CEP112: variants seen among roughly 807,000 people sequenced by gnomAD.
CEP112 encodes the protein centrosomal protein of 112 kDa.
CEP112 carries 127 observed loss-of-function variants against 153.0 expected under a neutral mutation model. The ratio of observed to expected loss-of-function variants is 0.83; its 90% CI spans 0.72 to 0.96. CEP112 has a LOEUF of 0.96. Among genes scored for constraint, CEP112 ranks in the 40% least tolerant of loss-of-function variants. The pLI is 0.00. For synonymous variants in CEP112, 358 were observed against 374.4 expected (o/e 0.96, Z 0.51); for missense variants, 1,089 against 1,101.2 (o/e 0.99, Z 0.16).
chr17:65,663,226 G>A (rs771655228), intron 24 of CEP112, among the ~76,000 whole-genome samples: 3 of 152,098 alleles, frequency 2.0e-5, no homozygotes, highest in Non-Finnish European at 2.9e-5. Context: ...TGTACTAAAG[G>A]TGGCTTATGT....
At chr17:65,790,634 C>T (rs746752503) in intron 21 of CEP112, among the ~76,000 whole-genome samples, 1 of 152,142 alleles carries the variant, frequency 6.6e-6, no homozygotes, top group Non-Finnish European at 1.5e-5. Flanking sequence ...TAATTAGGAC[C>T]TATATTTTCT....
chr17:66,191,178 G>T lies in CEP112; in HGVS notation c.-9+819C>A, dbSNP rs564266442. 3.9e-5 allele frequency among the ~76,000 whole-genome samples: 6 copies of T among 152,160 alleles called. No individual in the cohort carries two copies. The highest frequency in any genetic ancestry group is 8.8e-5 in the Non-Finnish European group (6 of 68,032). On this transcript the variant is annotated intron_variant, in intron 1 of 26. Transcript: ENST00000535342. This position sits in a 1 kb window ranked among gnomAD's most constrained non-coding sequence, Gnocchi z 4.2. Reference sequence around the variant, plus strand: ...GGAAGAAGGAAGCTGAGGCTTAAGTGAGGTGAAGTCACTGACCTAGGTTCT... The same window carrying T: ...GGAAGAAGGAAGCTGAGGCTTAAGTTAGGTGAAGTCACTGACCTAGGTTCT...
intron 23 of CEP112, among the ~76,000 whole-genome samples, chr17:65,718,273 T>C (rs1359727291): frequency 2.0e-5 from 3 of 151,644 alleles, no homozygotes; most frequent in Non-Finnish European, 4.4e-5. Flanking sequence ...CTGGGTGTGG[T>C]GGTGGGCGCC....
At chr17:65,989,439 C>A (rs1027686807) in intron 17 of CEP112, among the ~76,000 whole-genome samples, 2 of 151,312 alleles carry the variant, frequency 1.3e-5, no homozygotes, top group Non-Finnish European at 2.9e-5. Context: ...AACCATACAG[C>A]CCAGGAGGGA....
intron 18 of CEP112, among the ~76,000 whole-genome samples, chr17:65,946,989 G>A (rs992718564): frequency 2.6e-5 from 4 of 152,052 alleles, no homozygotes; most frequent in African/African-American, 9.7e-5. Context: ...TTTTGTATTT[G>A]TGCTGGTAGG....
At chr17:66,038,115 G>GAAAAT (rs1568415942) in intron 12 of CEP112, among the ~76,000 whole-genome samples, 3 of 75,048 alleles carry the variant, frequency 4.0e-5, no homozygotes, top group South Asian at 3.1e-4. Flanking sequence ...AAAAAAAAAA[G>GAAAAT]AAAAGAAAAG....
intron 23 of CEP112, among the ~76,000 whole-genome samples, chr17:65,732,254 T>C (rs371311598): frequency 1.0e-3 from 155 of 152,342 alleles, no homozygotes; most frequent in African/African-American, 3.5e-3. Context: ...GGTGACCAGG[T>C]GCATGGTTAA....
chr17:65,872,873 T>C (rs2058708526), intron 20 of CEP112: 1 of 152,240 alleles, frequency 6.6e-6, no homozygotes, highest in Non-Finnish European at 1.5e-5. Flanking sequence ...GCTTTGTCCA[T>C]GTAACTTCTA....
chr17:65,973,545 C>T (rs2062925737), intron 17 of CEP112, among the ~76,000 whole-genome samples: 2 of 152,122 alleles, frequency 1.3e-5, no homozygotes, highest in African/African-American at 4.8e-5. Flanking sequence ...GTGAAAACCA[C>T]AATAAGATAC....
intron 23 of CEP112, among the ~76,000 whole-genome samples, chr17:65,731,095 CT>C (rs1339144754): frequency 3.9e-5 from 6 of 152,150 alleles, no homozygotes; most frequent in Non-Finnish European, 7.3e-5. Context: ...AAATGAACTT[CT>C]GTGAGCTCAG....
intron 21 of CEP112, among the ~76,000 whole-genome samples, chr17:65,837,736 T>C (rs1320404001): frequency 1.3e-5 from 2 of 152,176 alleles, no homozygotes; most frequent in East Asian, 1.9e-4. Flanking sequence ...CATTTTGTTC[T>C]GTACTAAGAA....
At chr17:65,654,056 C>CAAAAAAAAAAAAAAA (rs773433478) in intron 24 of CEP112, among the ~76,000 whole-genome samples, 9 of 26,882 alleles carry the variant, frequency 3.3e-4, no homozygotes, top group African/African-American at 8.0e-4. Flanking sequence ...AAGACTCCAT[C>CAAAAAAAAAAAAAAA]AAAAAAAAAA....
intron 24 of CEP112, among the ~76,000 whole-genome samples, chr17:65,671,407 G>C (rs765955212): frequency 6.6e-6 from 1 of 152,172 alleles, no homozygotes; most frequent in Non-Finnish European, 1.5e-5. Context: ...GGGTCAAAAA[G>C]TCTCTTTGTG....
intron 23 of CEP112, among the ~76,000 whole-genome samples, chr17:65,741,143 A>G (rs1231699202): frequency 6.6e-6 from 1 of 152,152 alleles, no homozygotes; most frequent in Non-Finnish European, 1.5e-5. Context: ...TGACAGAAAT[A>G]CCTTCCTCAT....
chr17:66,089,154 C>G (rs1351448630), intron 8 of CEP112, among the ~76,000 whole-genome samples: 1 of 152,146 alleles, frequency 6.6e-6, no homozygotes, highest in African/African-American at 2.4e-5. Context: ...ATAGGCCAAA[C>G]AGCCTGCCCA....
chr17:65,676,745 T>C (rs1456547293), intron 24 of CEP112, among the ~76,000 whole-genome samples: 4 of 152,246 alleles, frequency 2.6e-5, no homozygotes, highest in African/African-American at 7.2e-5. Flanking sequence ...CATTCTGATA[T>C]ACCATCTCAT....
rs1241874333 is a variant in CEP112 at position 66,176,862 on chromosome 17, G to A, written c.265C>T (p.Pro89Ser). The change falls in exon 3 of 27, where the codon CCC (proline) becomes TCC (serine). Residue 89 changes from proline to serine, a missense_variant. Physicochemically the swap from Pro to Ser is moderately conservative, Grantham distance 74. Transcript: ENST00000535342. Reference sequence around the variant, plus strand: ...GAAGGTAGAATTTTTAGTGTCCCGGGTTCAGGTCGGTGTGTAAAAGGGCCT... The same window carrying A: ...GAAGGTAGAATTTTTAGTGTCCCGGATTCAGGTCGGTGTGTAAAAGGGCCT... ...LEGPFTHRPE[P>S]GTLKILPSYM... 6.2e-7 allele frequency: 1 copy of A among 1,612,912 alleles called. No individual in the cohort carries two copies. Among genetic ancestry groups the A allele is most frequent in the Middle Eastern group, 1.7e-4 (1 of 6,056 alleles).
intron 17 of CEP112, among the ~76,000 whole-genome samples, chr17:65,971,999 C>G (rs2145005703): frequency 6.6e-6 from 1 of 152,204 alleles, no homozygotes; most frequent in East Asian, 1.9e-4. Context: ...AGTAGACAGA[C>G]AAGAATAAAG....
At position 66,164,591 on chromosome 17, in the gene CEP112, C is replaced by T. The variant is rs1288201020; in HGVS notation, c.470+10453G>A. Among the ~76,000 whole-genome samples the T allele has an allele frequency of 2.1e-5, 3 of 142,130 alleles. No homozygotes were observed. In the East Asian group the frequency reaches 6.4e-4, roughly 30 times the overall value. 93.2% of individuals were successfully genotyped at this position (142,130 alleles called of 152,430 possible). ...AAAAAAAAAATGGCCAGCATGGTAG[C>T]TCATGCCTGTAATCCCAGCACTTTG... On this transcript the variant is annotated intron_variant, in intron 4 of 26. Transcript: ENST00000535342.
Sources: allele counts gnomAD v4.1 joint callset (sites outside exome capture counted in the v4.1 genomes callset), GRCh38; gene constraint gnomAD v4.1.1; non-coding constraint Gnocchi (gnomAD v3.1); transcripts MANE v1.5; gene names NCBI Gene and HGNC (gene_info 2026-07-23, HGNC 2026-07-21).